Variants in CADM2 observed in about 807,000 individuals in gnomAD.
CADM2 encodes cell adhesion molecule 2.
A neutral mutation model predicts 49.8 loss-of-function variants in CADM2; 12 were observed. The ratio of observed to expected loss-of-function variants is 0.24; its 90% confidence interval spans 0.15 to 0.39. The LOEUF is 0.39. Among genes scored for constraint, CADM2 ranks in the 10% least tolerant of loss-of-function variants. CADM2 has a pLI of 1.00. For missense variants in CADM2, 378 were observed against 492.3 expected (o/e 0.77, Z 2.20); for synonymous variants, 214 against 175.4 (o/e 1.22, Z -1.74).
At chr3:85,158,453 A>G (rs1443269690) in intron 1 of CADM2, among the ~76,000 whole-genome samples, 1 of 152,234 alleles carries the variant, frequency 6.6e-6, no homozygotes, top group Non-Finnish European at 1.5e-5. Context: ...AATGTCCAAC[A>G]ATGATAGACT....
rs76971759 is a variant in CADM2 at position 85,756,427 on chromosome 3, G to T, written c.88+29879G>T. Among the ~76,000 whole-genome samples, 20 of 152,076 alleles carry T rather than the reference G, an allele frequency of 1.3e-4. No individual in the cohort carries two copies. The East Asian group carries it at 3.5e-3, about 27-fold the overall frequency. Reference sequence around the variant, plus strand: ...TATCTACATATATACATGATCATTGGCTCTCCCAATGTTTGAAGACATTGC... The same window carrying T: ...TATCTACATATATACATGATCATTGTCTCTCCCAATGTTTGAAGACATTGC... On this transcript the variant is annotated intron_variant, in intron 2 of 9. Transcript: ENST00000383699.
chr3:85,284,430 G>C (rs549605853), intron 1 of CADM2, among the ~76,000 whole-genome samples: 23 of 152,176 alleles, frequency 1.5e-4, no homozygotes, highest in African/African-American at 5.1e-4. Flanking sequence ...GATGAAGACT[G>C]AACAAGGAGA....
At chr3:84,972,544 C>T (rs1463947151) in intron 1 of CADM2, among the ~76,000 whole-genome samples, 1 of 152,148 alleles carries the variant, frequency 6.6e-6, no homozygotes, top group Admixed American at 6.5e-5. Flanking sequence ...AAATCACATC[C>T]ATAGATCAAT....
At chr3:86,045,497 C>A (rs1258651236) in intron 8 of CADM2, among the ~76,000 whole-genome samples, 1 of 152,144 alleles carries the variant, frequency 6.6e-6, no homozygotes, top group African/African-American at 2.4e-5. Context: ...TAATTCTCAA[C>A]TGCCCTGAAA....
intron 1 of CADM2, among the ~76,000 whole-genome samples, chr3:85,251,173 A>G (rs1244288402): frequency 6.6e-6 from 1 of 151,856 alleles, no homozygotes; most frequent in African/African-American, 2.4e-5. Flanking sequence ...TTTACAAAAT[A>G]TAAGTGTCTG....
intron 5 of CADM2, among the ~76,000 whole-genome samples, chr3:85,891,757 G>A (rs2108419056): frequency 6.6e-6 from 1 of 152,300 alleles, no homozygotes; most frequent in Non-Finnish European, 1.5e-5. Flanking sequence ...AGAACATGGG[G>A]ACATCAGACA....
chr3:85,213,211 G>A (rs2041842819), intron 1 of CADM2, among the ~76,000 whole-genome samples: 2 of 152,016 alleles, frequency 1.3e-5, no homozygotes, highest in African/African-American at 4.8e-5. Flanking sequence ...GGTCATGAAT[G>A]TAGTTTCCTT....
chr3:85,769,672 AC>A (rs2069966950), intron 2 of CADM2, among the ~76,000 whole-genome samples: 1 of 143,140 alleles, frequency 7.0e-6, no homozygotes, highest in African/African-American at 2.5e-5. Context: ...ATATATATAC[AC>A]ATATATACAT....
At chr3:85,910,063 T>G (rs1160308516) in intron 5 of CADM2, among the ~76,000 whole-genome samples, 1 of 152,214 alleles carries the variant, frequency 6.6e-6, no homozygotes, top group African/African-American at 2.4e-5. Context: ...CATTAAAATT[T>G]TATGATTTAT....
intron 1 of CADM2, among the ~76,000 whole-genome samples, chr3:84,977,901 CT>C (rs755981713): frequency 6.6e-6 from 1 of 152,032 alleles, no homozygotes; most frequent in Non-Finnish European, 1.5e-5. Context: ...AAACTAAGAT[CT>C]TTAAATTTGG....
At chr3:85,210,318 T>C (rs921293644) in intron 1 of CADM2, among the ~76,000 whole-genome samples, 1 of 152,200 alleles carries the variant, frequency 6.6e-6, no homozygotes, top group Non-Finnish European at 1.5e-5. Context: ...CTCCCTGGGG[T>C]AAATGCCATT....
chr3:85,441,862 A>T (rs2037217128), intron 1 of CADM2, among the ~76,000 whole-genome samples: 1 of 152,112 alleles, frequency 6.6e-6, no homozygotes, highest in African/African-American at 2.4e-5. Context: ...TGCAGAATTG[A>T]GAGGAGTGAC....
intron 1 of CADM2, among the ~76,000 whole-genome samples, chr3:85,064,941 G>C (rs1344541881): frequency 1.3e-5 from 2 of 152,076 alleles, no homozygotes; most frequent in African/African-American, 4.8e-5. Flanking sequence ...GTTTTTAAGA[G>C]TACTTATCTT....
intron 1 of CADM2, among the ~76,000 whole-genome samples, chr3:85,611,498 G>A (rs2063681316): frequency 6.6e-6 from 1 of 151,862 alleles, no homozygotes; most frequent in African/African-American, 2.4e-5. Flanking sequence ...GCCTCAAGTT[G>A]AACTCATGAG....
chr3:85,701,912 T>TAG (rs1559601731), intron 1 of CADM2, among the ~76,000 whole-genome samples: 18 of 136,680 alleles, frequency 1.3e-4, no homozygotes, highest in African/African-American at 5.1e-4. Context: ...TAGATAGATA[T>TAG]AAAGAAAAAG....
chr3:85,913,079 G>A (rs1263369796), intron 6 of CADM2, among the ~76,000 whole-genome samples: 1 of 151,960 alleles, frequency 6.6e-6, no homozygotes, highest in East Asian at 1.9e-4. Flanking sequence ...AATAGATCGG[G>A]GCAGTGCTAA....
At chr3:85,708,362 T>C (rs187490380) in intron 1 of CADM2, among the ~76,000 whole-genome samples, 11 of 152,252 alleles carry the variant, frequency 7.2e-5, no homozygotes, top group Admixed American at 2.0e-4. Flanking sequence ...AGTACAGCAG[T>C]CTGAAAAAAT....
At chr3:86,056,076 T>C (rs1298399326) in intron 8 of CADM2, among the ~76,000 whole-genome samples, 2 of 152,218 alleles carry the variant, frequency 1.3e-5, no homozygotes, top group African/African-American at 2.4e-5. Context: ...TTTGATCACC[T>C]AGATAGCCTT....
At chr3:85,769,802 T>C (rs2069976703) in intron 2 of CADM2, among the ~76,000 whole-genome samples, 1 of 151,164 alleles carries the variant, frequency 6.6e-6, no homozygotes, top group Non-Finnish European at 1.5e-5. Flanking sequence ...GACCTATAAG[T>C]AGAAAATATA....
Sources: allele counts gnomAD v4.1 joint callset (sites outside exome capture counted in the v4.1 genomes callset), GRCh38; gene constraint gnomAD v4.1.1; transcripts MANE v1.5; gene names NCBI Gene and HGNC (gene_info 2026-07-23, HGNC 2026-07-21).